HS6ST3: variants seen among roughly 807,000 people sequenced by gnomAD.
The protein encoded by HS6ST3 is heparan-sulfate 6-O-sulfotransferase 3.
HS6ST3 carries 12 observed loss-of-function variants against 36.7 expected under a neutral mutation model. The ratio of observed to expected loss-of-function variants is 0.33; its 90% CI spans 0.21 to 0.53. HS6ST3 has a LOEUF of 0.53. Among genes scored for constraint, HS6ST3 ranks in the 20% least tolerant of loss-of-function variants. The probability of loss-of-function intolerance (pLI) is 0.95; values close to 1 mark genes in which losing one functional copy is unlikely to be tolerated. For synonymous variants in HS6ST3, 240 were observed against 257.5 expected, an observed-to-expected ratio of 0.93 and a Z score of 0.65; for missense variants, 584 against 640.9, an observed-to-expected ratio of 0.91 and a Z score of 0.96.
chr13:96,489,954 T>A (rs952187839), intron 1 of HS6ST3, among the ~76,000 whole-genome samples: 15 of 152,144 alleles, frequency 9.9e-5, no homozygotes, highest in Non-Finnish European at 1.3e-4. Context: ...ATAAATTTCA[T>A]TCTATTTTCT....
chr13:96,237,663 A>G lies in HS6ST3; in HGVS notation c.707+146094A>G, dbSNP rs549803126. 5.9e-5 allele frequency among the ~76,000 whole-genome samples: 9 copies of G among 152,104 alleles called. No individual in the cohort carries two copies. In the South Asian group the frequency reaches 1.9e-3, roughly 32 times the overall value. ...TGCTGTCTCTAATGCTTTACCTCTAATCTTGTTTTTAACCCCAACACTCAG... is the reference window on the plus strand; with the variant it reads ...TGCTGTCTCTAATGCTTTACCTCTAGTCTTGTTTTTAACCCCAACACTCAG... On this transcript the variant is annotated intron_variant, in intron 1 of 1. Transcript: ENST00000376705.
chr13:96,487,322 A>AG (rs998377472), intron 1 of HS6ST3, among the ~76,000 whole-genome samples: 3 of 152,104 alleles, frequency 2.0e-5, no homozygotes, highest in Admixed American at 2.0e-4. Context: ...GTAAAATTTC[A>AG]GGGGGATATT....
intron 1 of HS6ST3, among the ~76,000 whole-genome samples, chr13:96,527,002 G>T (rs1278178840): frequency 6.6e-6 from 1 of 152,062 alleles, no homozygotes; most frequent in Non-Finnish European, 1.5e-5. Flanking sequence ...ATTGAATAAA[G>T]ATAGATTTTT....
chr13:96,607,263 C>T (rs1219825093), intron 1 of HS6ST3, among the ~76,000 whole-genome samples: 1 of 152,172 alleles, frequency 6.6e-6, no homozygotes, highest in Non-Finnish European at 1.5e-5. Context: ...CATCTTTCAG[C>T]ATCAATGCTT....
At chr13:96,146,270 A>T (rs2054057777) in intron 1 of HS6ST3, among the ~76,000 whole-genome samples, 2 of 152,154 alleles carry the variant, frequency 1.3e-5, no homozygotes, top group Non-Finnish European at 2.9e-5. Flanking sequence ...CACGATATTG[A>T]TTCTTCCTAC....
At chr13:96,562,768 G>A (rs770523102) in intron 1 of HS6ST3, among the ~76,000 whole-genome samples, 2 of 152,172 alleles carry the variant, frequency 1.3e-5, no homozygotes, top group Non-Finnish European at 2.9e-5. Flanking sequence ...CAGGAAGAAG[G>A]TTTGCCTGGG....
intron 1 of HS6ST3, among the ~76,000 whole-genome samples, chr13:96,184,200 C>CAAAA (rs796944357): frequency 4.2e-5 from 3 of 71,274 alleles, no homozygotes; most frequent in Non-Finnish European, 4.7e-5. Context: ...ACTCTGTCTC[C>CAAAA]AAAAAAAAAA....
chr13:96,098,561 C>A (rs1378152693), intron 1 of HS6ST3, among the ~76,000 whole-genome samples: 1 of 152,172 alleles, frequency 6.6e-6, no homozygotes, highest in East Asian at 1.9e-4. Flanking sequence ...TGGCTCACAC[C>A]TGTAATCCCA....
intron 1 of HS6ST3, among the ~76,000 whole-genome samples, chr13:96,391,204 A>G (rs1339076212): frequency 2.6e-5 from 4 of 151,864 alleles, no homozygotes; most frequent in South Asian, 4.1e-4. Flanking sequence ...CATTTGTTAC[A>G]TTTTGCTCTC....
intron 1 of HS6ST3, among the ~76,000 whole-genome samples, chr13:96,220,794 C>T (rs998257050): frequency 2.0e-5 from 3 of 152,118 alleles, no homozygotes; most frequent in African/African-American, 7.2e-5. Flanking sequence ...TTAATGTTGT[C>T]TGACAATGTC....
chr13:96,750,996 A>G (rs1007903849), intron 1 of HS6ST3, among the ~76,000 whole-genome samples: 1 of 152,210 alleles, frequency 6.6e-6, no homozygotes, highest in African/African-American at 2.4e-5. Context: ...ATATCTGGCT[A>G]ATACTCTTTT....
chr13:96,304,388 G>T (rs2054898825), intron 1 of HS6ST3, among the ~76,000 whole-genome samples: 1 of 152,066 alleles, frequency 6.6e-6, no homozygotes, highest in Non-Finnish European at 1.5e-5. Flanking sequence ...GATTTAAAAT[G>T]CCTTTCTTTG....
intron 1 of HS6ST3, among the ~76,000 whole-genome samples, chr13:96,830,544 T>C (rs1384012022): frequency 6.6e-6 from 1 of 152,210 alleles, no homozygotes; most frequent in East Asian, 1.9e-4. Context: ...TCAAGTTTCT[T>C]TGAAGAGCAG....
At chr13:96,790,659 G>A (rs187416869) in intron 1 of HS6ST3, among the ~76,000 whole-genome samples, 54 of 151,970 alleles carry the variant, frequency 3.6e-4, no homozygotes, top group African/African-American at 1.3e-3. Context: ...TCAAAATCTT[G>A]CCTGTCCAAA....
intron 1 of HS6ST3, among the ~76,000 whole-genome samples, chr13:96,789,752 T>C (rs1343818057): frequency 9.1e-6 from 1 of 110,266 alleles, no homozygotes; most frequent in Non-Finnish European, 1.8e-5. Flanking sequence ...CTGGCCTCTG[T>C]GGTTTAGATT....
intron 1 of HS6ST3, among the ~76,000 whole-genome samples, chr13:96,445,696 C>T (rs553460311): frequency 3.3e-5 from 5 of 151,544 alleles, no homozygotes; most frequent in Admixed American, 6.6e-5. Context: ...GTGAAATCCC[C>T]GTCTCTACTA....
At chr13:96,214,747 A>G (rs1342740586) in intron 1 of HS6ST3, among the ~76,000 whole-genome samples, 1 of 152,180 alleles carries the variant, frequency 6.6e-6, no homozygotes, top group Non-Finnish European at 1.5e-5. Flanking sequence ...AAACCTGTAG[A>G]TTGTAGAAAT....
chr13:96,534,281 A>G (rs1436498811), intron 1 of HS6ST3, among the ~76,000 whole-genome samples: 1 of 152,208 alleles, frequency 6.6e-6, no homozygotes, highest in Non-Finnish European at 1.5e-5. Flanking sequence ...GTTCTAATCT[A>G]GGATTTAGAG....
chr13:96,459,544 G>A (rs2055772580), intron 1 of HS6ST3, among the ~76,000 whole-genome samples: 1 of 152,184 alleles, frequency 6.6e-6, no homozygotes, highest in South Asian at 2.1e-4. Flanking sequence ...TATCGGGGTA[G>A]GCACGCAGTT....
Sources: gnomAD v4.1 joint callset for allele counts (sites outside exome capture counted in the v4.1 genomes callset) on GRCh38, gnomAD v4.1.1 for gene constraint, MANE v1.5 for transcripts, NCBI Gene and HGNC (gene_info 2026-07-23, HGNC 2026-07-21) for gene names.